Variants in TNNI3K observed in about 807,000 individuals in gnomAD.
TNNI3K encodes the protein serine/threonine-protein kinase TNNI3K.
In TNNI3K, 140 loss-of-function variants were observed where a neutral mutation model predicts 114.5. The ratio of observed to expected loss-of-function variants is 1.22; its 90% CI spans 1.07 to 1.41. The LOEUF is 1.41. Ranked by LOEUF, TNNI3K falls within the 40% of genes most tolerant of loss-of-function variation. TNNI3K has a pLI of 0.00. For synonymous variants in TNNI3K, 347 were observed against 347.5 expected (o/e 1.00, Z 0.02); for missense variants, 1,125 against 1,007.6 (o/e 1.12, Z -1.58).
At chr1:74,533,330 A>G (rs978370679) in intron 23 of TNNI3K, among the ~76,000 whole-genome samples, 9 of 152,232 alleles carry the variant, frequency 5.9e-5, no homozygotes, top group Admixed American at 2.0e-4. Context: ...ATCACTGGCC[A>G]TCAGAGAAAT....
chr1:74,322,396 G>A (rs527317959), intron 5 of TNNI3K, among the ~76,000 whole-genome samples: 1 of 151,042 alleles, frequency 6.6e-6, no homozygotes, highest in East Asian at 1.9e-4. Context: ...GTCATTTGTT[G>A]ACCATTTCTT....
chr1:74,469,920 T>C (rs1667841372), intron 21 of TNNI3K: 1 of 400,686 alleles, frequency 2.5e-6, no homozygotes, highest in Non-Finnish European at 4.4e-6. Context: ...ATTCAGCAGA[T>C]GGTGGATACA....
At chr1:74,382,275 T>A (rs546652405) in intron 17 of TNNI3K, among the ~76,000 whole-genome samples, 1 of 152,298 alleles carries the variant, frequency 6.6e-6, no homozygotes, top group East Asian at 1.9e-4. Context: ...AGATTTCTGA[T>A]TTACAAAATG....
chr1:74,534,471 A>G (rs1308126751), intron 23 of TNNI3K, among the ~76,000 whole-genome samples: 1 of 152,064 alleles, frequency 6.6e-6, no homozygotes, highest in African/African-American at 2.4e-5. Context: ...TACCAAAAAC[A>G]TTTGGCAGGC....
intron 21 of TNNI3K, chr1:74,475,686 A>T (rs1329463845): frequency 5.6e-6 from 4 of 714,864 alleles, no homozygotes; most frequent in Non-Finnish European, 7.8e-6. Flanking sequence ...TTCTTGCCTC[A>T]TGAGCACACA....
rs144519050 is a variant in TNNI3K at position 74,503,010 on chromosome 1, A to G, written c.2351+10744A>G. Among the ~76,000 whole-genome samples the G allele has an allele frequency of 5.1e-4, 77 of 152,340 alleles. 1 individual carries two copies. The highest frequency in any genetic ancestry group is 9.8e-4 in the Non-Finnish European group (67 of 68,034). On this transcript the variant is annotated intron_variant, in intron 23 of 24. Transcript: ENST00000326637. ...GTGGACTAGCTTTGAGGATAGCTCT[A>G]CTTCAGCATGATTTCTTTATGGAAC...
At chr1:74,349,032 T>C (rs1452826883) in intron 9 of TNNI3K, among the ~76,000 whole-genome samples, 1 of 152,154 alleles carries the variant, frequency 6.6e-6, no homozygotes, top group Non-Finnish European at 1.5e-5. Flanking sequence ...TCCAACGCTA[T>C]GTTGAATAGG....
rs553322697 is a variant in TNNI3K at position 74,381,911 on chromosome 1, G to A, written c.1772+11519G>A. Among the ~76,000 whole-genome samples the A allele has an allele frequency of 5.3e-5, 8 of 152,314 alleles. No homozygotes were observed. The South Asian group carries it at 6.2e-4, about 12-fold the overall frequency. ...GAAACATAATGGCAGAGAAGGGGAA[G>A]TATCATCAGAGGCACATTCCAGAGA... On this transcript the variant is annotated intron_variant, in intron 17 of 24. Coordinates refer to ENST00000326637, the MANE Select transcript of TNNI3K (RefSeq NM_015978.3).
At chr1:74,253,612 G>A (rs1485095718) in intron 4 of TNNI3K, among the ~76,000 whole-genome samples, 3 of 152,030 alleles carry the variant, frequency 2.0e-5, no homozygotes, top group African/African-American at 7.2e-5. Context: ...GCCCGGAGCC[G>A]GCAGGACTGG....
chr1:74,391,449 T>C (rs779572978), intron 17 of TNNI3K, among the ~76,000 whole-genome samples: 26 of 152,032 alleles, frequency 1.7e-4, no homozygotes, highest in Non-Finnish European at 1.0e-4. Flanking sequence ...TAGATACATA[T>C]AGGAGATGAG....
intron 4 of TNNI3K, among the ~76,000 whole-genome samples, chr1:74,267,046 T>C (rs1234800170): frequency 6.6e-6 from 1 of 151,978 alleles, no homozygotes; most frequent in Non-Finnish European, 1.5e-5. Context: ...TGTGTCACAT[T>C]GAATAATAAT....
chr1:74,418,372 G>T, intron 17 of TNNI3K: 1 of 174,652 alleles, frequency 5.7e-6, no homozygotes, highest in Non-Finnish European at 1.2e-5. Context: ...GTTGTTATTT[G>T]GTGTCTTCAA....
chr1:74,470,767 A>G (rs1285782232), intron 21 of TNNI3K: 1 of 400,470 alleles, frequency 2.5e-6, no homozygotes, highest in Admixed American at 4.4e-5. Context: ...TCTGTGTTGT[A>G]AGGCTTCATT....
chr1:74,423,628 C>T (rs766003806), intron 17 of TNNI3K, among the ~76,000 whole-genome samples: 2 of 152,088 alleles, frequency 1.3e-5, no homozygotes, highest in Admixed American at 1.3e-4. Context: ...CAAAATATCT[C>T]GCTGTGTTAC....
At position 74,501,874 on chromosome 1, in the gene TNNI3K, TTATA is replaced by T. The variant is rs367958004; in HGVS notation, c.2351+9621_2351+9624del. On this transcript the variant is annotated intron_variant, in intron 23 of 24. Coordinates refer to ENST00000326637, the MANE Select transcript of TNNI3K (RefSeq NM_015978.3). ...GGCTGGCAGATGAGACTTCTGAGGG[TTATA>T]TATATATATATACATTTTCTTTTTC... is the stretch of plus-strand genomic sequence containing the variant. Among the ~76,000 whole-genome samples the T allele has an allele frequency of 5.2e-3, 786 of 149,752 alleles. 10 individuals carry two copies. Among genetic ancestry groups the T allele is most frequent in the African/African-American group, 0.018 (726 of 41,050 alleles).
intron 5 of TNNI3K, among the ~76,000 whole-genome samples, chr1:74,321,775 G>T (rs1243223727): frequency 1.3e-5 from 2 of 151,904 alleles, no homozygotes; most frequent in Non-Finnish European, 2.9e-5. Flanking sequence ...CACATAAAAA[G>T]ACCTCATTTC....
intron 21 of TNNI3K, chr1:74,475,844 A>C: frequency 3.7e-6 from 2 of 543,214 alleles, no homozygotes; most frequent in Non-Finnish European, 6.7e-6. Context: ...AAAAGATAAC[A>C]TCTTGGGAAG....
chr1:74,260,684 T>G (rs1206412824), intron 4 of TNNI3K, among the ~76,000 whole-genome samples: 1 of 152,118 alleles, frequency 6.6e-6, no homozygotes, highest in African/African-American at 2.4e-5. Flanking sequence ...ATGTTTTTCA[T>G]TTTGCATAGA....
rs1232867505 is a variant in TNNI3K, at chr1:74,492,246, C to T, written c.2331C>T (p.Ser777=). 6.3e-7 allele frequency: 1 copy of T among 1,594,010 alleles called. No individual in the cohort carries two copies. Among genetic ancestry groups the T allele is most frequent in the African/African-American group, 1.3e-5 (1 of 74,764 alleles). The stretch of plus-strand genomic sequence containing the variant: ...TGGAATATGCTCTAAATGCAAGGTC[C>T]TATGCTGCTTTGTCCCAAAGGTGAG... ...FELEYALNAR[S]YAALSQSAGQ... Residue 777 remains serine (S), a synonymous_variant, in exon 23 of 25, where the codon TCC becomes TCT. Coordinates refer to ENST00000326637, the MANE Select transcript of TNNI3K (RefSeq NM_015978.3).
Sources: gnomAD v4.1 joint callset for allele counts (sites outside exome capture counted in the v4.1 genomes callset) on GRCh38, gnomAD v4.1.1 for gene constraint, MANE v1.5 for transcripts, NCBI Gene and HGNC (gene_info 2026-07-23, HGNC 2026-07-21) for gene names.